The following C2CD3 variants were observed in gnomAD, a reference collection of about 807,000 sequenced individuals.
C2CD3 encodes C2 domain-containing protein 3.
Under a neutral mutation model 234.0 loss-of-function variants are expected in C2CD3, and 148 were observed. The ratio of observed to expected loss-of-function variants is 0.63; its 90% CI spans 0.55 to 0.72. C2CD3 has a LOEUF of 0.72. Among genes scored for constraint, C2CD3 ranks in the 30% least tolerant of loss-of-function variants. C2CD3 has a pLI of 0.00. For synonymous variants in C2CD3, 1,000 were observed against 1,035.4 expected (o/e 0.97, Z 0.66); for missense variants, 2,577 against 2,811.5 (o/e 0.92, Z 1.89).
At chr11:74,080,520 C>T (rs1016403288) in intron 22 of C2CD3, among the ~76,000 whole-genome samples, 1 of 152,112 alleles carries the variant, frequency 6.6e-6, no homozygotes, top group South Asian at 2.1e-4. Context: ...CAAAATTTCA[C>T]GCCATTTCAG....
intron 22 of C2CD3, among the ~76,000 whole-genome samples, 197 bp from the exon 23 acceptor site, chr11:74,078,914 T>G (rs1187278311): frequency 1.3e-5 from 2 of 152,016 alleles, no homozygotes; most frequent in Non-Finnish European, 2.9e-5. Context: ...AGGCTAGGAG[T>G]TGGAAGATCT....
Position 74,070,109 on chromosome 11 carries a change from T to C in C2CD3, c.4951+4144A>G, listed in dbSNP as rs570854922. 2.0e-5 allele frequency among the ~76,000 whole-genome samples: 3 copies of C among 152,366 alleles called. No homozygotes were observed. The East Asian group carries it at 5.8e-4, about 29-fold the overall frequency. On this transcript the variant is annotated intron_variant, in intron 24 of 32. Coordinates refer to ENST00000334126, the MANE Select transcript of C2CD3 (RefSeq NM_001286577.2). ...TACTTCAAATCATTTTACCTCTCTG[T>C]TCCTTATTTGTCTCATTTGTAAAAC...
intron 12 of C2CD3, 101 bp downstream of exon 12, chr11:74,108,933 C>T (rs948239009): frequency 6.0e-6 from 4 of 671,436 alleles, no homozygotes; most frequent in Non-Finnish European, 1.1e-5. Flanking sequence ...ATTAGTACTG[C>T]CTGCACCTGA....
chr11:74,140,420 A>AT (rs1165142244), intron 3 of C2CD3, among the ~76,000 whole-genome samples: 2 of 152,192 alleles, frequency 1.3e-5, no homozygotes, highest in African/African-American at 4.8e-5. Flanking sequence ...ATCTGTATCT[A>AT]TCCATTAGCA....
chr11:74,110,148 A>T (rs777011830), intron 11 of C2CD3, among the ~76,000 whole-genome samples: 11 of 146,054 alleles, frequency 7.5e-5, no homozygotes, highest in Non-Finnish European at 1.4e-4. Flanking sequence ...ATCAAAGGAT[A>T]TAAGTTTAAG....
chr11:74,168,252 A>G, intron 2 of C2CD3, 92 bp downstream of exon 2: 1 of 999,056 alleles, frequency 1.0e-6, no homozygotes, highest in Non-Finnish European at 1.5e-6. Context: ...GAATGCCCAT[A>G]TATGCTAGGT....
At chr11:74,104,460 G>C (rs1956435118) in intron 13 of C2CD3, among the ~76,000 whole-genome samples, 1 of 151,948 alleles carries the variant, frequency 6.6e-6, no homozygotes, top group Non-Finnish European at 1.5e-5. Flanking sequence ...GGGGGAAAGA[G>C]GCATGATGTA....
At chr11:74,141,475 G>A (rs1439790458) in intron 3 of C2CD3, among the ~76,000 whole-genome samples, 1 of 152,164 alleles carries the variant, frequency 6.6e-6, no homozygotes, top group Non-Finnish European at 1.5e-5. Context: ...GAGACACTGA[G>A]GATAAAGGTA....
At chr11:74,056,270 T>C (rs948675626) in intron 25 of C2CD3, among the ~76,000 whole-genome samples, 5 of 152,232 alleles carry the variant, frequency 3.3e-5, no homozygotes, top group Non-Finnish European at 5.9e-5. Context: ...TGATACAGTA[T>C]AAATTCTAAC....
chr11:74,093,417 G>A (rs1955974804), intron 18 of C2CD3, among the ~76,000 whole-genome samples: 1 of 150,502 alleles, frequency 6.6e-6, no homozygotes, highest in Admixed American at 6.6e-5. Context: ...GGGAAGAACA[G>A]GTTACAAGAA....
Position 74,093,848 on chromosome 11 carries a change from A to G in C2CD3, c.3312T>C (p.Pro1104=). ...AGATTTCAAACTGGACTCCACCTCC[A>G]GGCACGAGGCCCTGTGCAGAGAAAG... ...LSAFSAQGLV[P]GGGVQFEIWC... The change falls in exon 18 of 33, where the codon CCT becomes CCC. Residue 1104 remains proline, a synonymous_variant. Transcript: ENST00000334126. 1.2e-6 allele frequency: 2 copies of G among 1,613,996 alleles called. No individual in the cohort carries two copies. The highest frequency in any genetic ancestry group is 1.7e-6 in the Non-Finnish European group (2 of 1,179,902).
At chr11:74,147,987 C>T (rs1855331225) in intron 3 of C2CD3, among the ~76,000 whole-genome samples, 1 of 152,072 alleles carries the variant, frequency 6.6e-6, no homozygotes, top group Admixed American at 6.5e-5. Context: ...AAGTACAGTA[C>T]AATATTTAGG....
At chr11:74,014,727 T>C (rs1951817037) in intron 32 of C2CD3, among the ~76,000 whole-genome samples, 1 of 152,186 alleles carries the variant, frequency 6.6e-6, no homozygotes, top group African/African-American at 2.4e-5. Context: ...AGAATTAGAA[T>C]TGCCAGAATG....
At chr11:74,080,588 G>A (rs1955303011) in intron 22 of C2CD3, among the ~76,000 whole-genome samples, 1 of 152,166 alleles carries the variant, frequency 6.6e-6, no homozygotes. Context: ...TTCTATAATT[G>A]AGGTTATAGG....
chr11:74,136,406 T>A (rs1401747566), intron 5 of C2CD3, among the ~76,000 whole-genome samples: 2 of 152,142 alleles, frequency 1.3e-5, no homozygotes, highest in Non-Finnish European at 2.9e-5. Flanking sequence ...GCCAGCAAGG[T>A]CTTGATTTAA....
chr11:74,134,087 T>G (rs1957777269), intron 5 of C2CD3, among the ~76,000 whole-genome samples: 1 of 152,116 alleles, frequency 6.6e-6, no homozygotes, highest in African/African-American at 2.4e-5. Context: ...GAGAATACAC[T>G]TATGGAATGT....
At chr11:74,048,171 C>G (rs1171469731) in intron 28 of C2CD3, 34 bp downstream of exon 28, 1 of 1,604,210 alleles carries the variant, frequency 6.2e-7, no homozygotes, top group East Asian at 2.2e-5. Context: ...CATTTTTTAA[C>G]CCCATTTCTT....
chr11:74,067,793 G>A (rs535764498), intron 24 of C2CD3, among the ~76,000 whole-genome samples: 1 of 152,168 alleles, frequency 6.6e-6, no homozygotes, highest in Non-Finnish European at 1.5e-5. Context: ...CAGATTGGAA[G>A]CATTAAAAGC....
At chr11:74,145,757 C>T (rs539268060) in intron 3 of C2CD3, among the ~76,000 whole-genome samples, 3 of 152,078 alleles carry the variant, frequency 2.0e-5, no homozygotes, top group South Asian at 2.1e-4. Flanking sequence ...TTCAATCTTC[C>T]GCATATAGCT....
Sources: allele counts gnomAD v4.1 joint callset (sites outside exome capture counted in the v4.1 genomes callset), GRCh38; gene constraint gnomAD v4.1.1; transcripts MANE v1.5; gene names NCBI Gene and HGNC (gene_info 2026-07-23, HGNC 2026-07-21).